The following ZNF385D variants were observed in gnomAD, a reference collection of about 807,000 sequenced individuals.
ZNF385D encodes zinc finger protein 659.
ZNF385D carries 15 observed loss-of-function variants against 35.8 expected under a neutral mutation model. That is an observed-to-expected ratio of 0.42 (90% CI 0.28 to 0.64). The LOEUF (loss-of-function observed/expected upper bound fraction) is 0.64, where lower values mean the gene tolerates loss of function less well. Among genes scored for constraint, ZNF385D ranks in the 30% least tolerant of loss-of-function variants. The pLI is 0.23. For synonymous variants in ZNF385D, 212 were observed against 186.8 expected, an observed-to-expected ratio of 1.13 and a Z score of -1.10; for missense variants, 474 against 494.6, an observed-to-expected ratio of 0.96 and a Z score of 0.39.
At chr3:21,494,345 T>C (rs1705659428) in intron 4 of ZNF385D, among the ~76,000 whole-genome samples, 1 of 152,162 alleles carries the variant, frequency 6.6e-6, no homozygotes, top group Admixed American at 6.6e-5. Flanking sequence ...TACAGGGTCT[T>C]ATGTGTAAAG....
chr3:21,984,953 T>G (rs1694723170), intron 3 of ZNF385D, among the ~76,000 whole-genome samples: 1 of 151,260 alleles, frequency 6.6e-6, no homozygotes, highest in Non-Finnish European at 1.5e-5. Context: ...TCACTCATGA[T>G]TTGGCTCTCT....
At chr3:21,904,302 C>CAAAAAAAA (rs548922115) in intron 3 of ZNF385D, among the ~76,000 whole-genome samples, 2 of 79,280 alleles carry the variant, frequency 2.5e-5, no homozygotes, top group Non-Finnish European at 5.1e-5. Context: ...GACTCCATCT[C>CAAAAAAAA]AAAAAAAAAA....
At chr3:21,546,488 G>A (rs113107442) in intron 3 of ZNF385D, among the ~76,000 whole-genome samples, 1 of 151,950 alleles carries the variant, frequency 6.6e-6, no homozygotes, top group Non-Finnish European at 1.5e-5. Flanking sequence ...CCTCTCCCTT[G>A]TTGGAGGAGG....
At chr3:21,444,080 C>CT (rs11390309) in intron 4 of ZNF385D, among the ~76,000 whole-genome samples, 8,683 of 132,584 alleles carry the variant, frequency 0.065, 398 homozygotes, top group Middle Eastern at 0.092. Context: ...GGATTTCCCT[C>CT]TTTTTTTTTT....
intron 3 of ZNF385D, among the ~76,000 whole-genome samples, chr3:22,154,201 T>C (rs537777710): frequency 1.6e-4 from 24 of 152,290 alleles, no homozygotes; most frequent in East Asian, 5.8e-4. Context: ...CTGTTTATTG[T>C]TGAAGGCCTG....
At chr3:21,490,430 A>G (rs1705344930) in intron 4 of ZNF385D, among the ~76,000 whole-genome samples, 1 of 152,162 alleles carries the variant, frequency 6.6e-6, no homozygotes, top group Non-Finnish European at 1.5e-5. Context: ...CTCTTCTTAC[A>G]ATACAATGTG....
intron 3 of ZNF385D, among the ~76,000 whole-genome samples, chr3:21,974,541 G>T (rs2125350010): frequency 6.6e-6 from 1 of 152,126 alleles, no homozygotes; most frequent in East Asian, 1.9e-4. Context: ...TACTCTACAA[G>T]CACAAGCAAC....
chr3:22,345,132 TATA>T (rs1420730098), intron 2 of ZNF385D, among the ~76,000 whole-genome samples: 1 of 152,184 alleles, frequency 6.6e-6, no homozygotes, highest in Non-Finnish European at 1.5e-5. Flanking sequence ...CAGTATTAAC[TATA>T]ATAACAATAA....
At chr3:22,043,377 C>A (rs1443173600) in intron 3 of ZNF385D, among the ~76,000 whole-genome samples, 1 of 152,108 alleles carries the variant, frequency 6.6e-6, no homozygotes, top group African/African-American at 2.4e-5. Flanking sequence ...TTTTAACGTA[C>A]TGAAACCATG....
rs1325540935 is a variant in ZNF385D, at chr3:21,437,098, G to A, written c.545C>T (p.Thr182Met). The A allele has an allele frequency of 1.7e-5, 27 of 1,613,788 alleles. No individual in the cohort carries two copies. Among genetic ancestry groups the A allele is most frequent in the East Asian group, 2.2e-5 (1 of 44,884 alleles). ...ACATGAGCTATTGCCAGTGGCTGTCGTTGGGCTTTTTTCCACTTTAGAGGT... is the reference window on the plus strand; with the variant it reads ...ACATGAGCTATTGCCAGTGGCTGTCATTGGGCTTTTTTCCACTTTAGAGGT... ...EITSKVEKSP[T>M]TATGNSSCPS... The change falls in exon 5 of 8, where the codon ACG becomes ATG. Residue 182 changes from threonine (T) to methionine (M), a missense_variant. Thr to Met is a moderately conservative substitution (Grantham distance 81, BLOSUM62 -1). Coordinates refer to ENST00000281523, the MANE Select transcript of ZNF385D (RefSeq NM_024697.3).
Position 21,695,178 on chromosome 3 carries a change from G to A in ZNF385D, c.23-30150C>T, listed in dbSNP as rs1016247890. ...TTATCACCTCCCGGAATACAAAAGC[G>A]CGATGTGAAAAGCAGAGTCAGACAT... On this transcript the variant is annotated intron_variant, in intron 1 of 7. Coordinates refer to ENST00000281523, the MANE Select transcript of ZNF385D (RefSeq NM_024697.3). Among the ~76,000 whole-genome samples the A allele has an allele frequency of 4.6e-5, 7 of 152,308 alleles. No individual in the cohort carries two copies. The South Asian group carries it at 6.2e-4, about 14-fold the overall frequency.
intron 1 of ZNF385D, among the ~76,000 whole-genome samples, chr3:21,712,408 GTCTCT>G (rs1267537999): frequency 6.6e-6 from 1 of 152,028 alleles, no homozygotes; most frequent in Non-Finnish European, 1.5e-5. Context: ...TGAACTCACG[GTCTCT>G]TCTCTTACTT....
intron 2 of ZNF385D, among the ~76,000 whole-genome samples, chr3:21,608,012 C>CTTTTTTTTTTTTTTTTTTTTTTT (rs368555930): frequency 1.5e-4 from 18 of 123,942 alleles, no homozygotes; most frequent in African/African-American, 5.3e-4. Context: ...TCTTTTTCTT[C>CTTTTTTTTTTTTTTTTTTTTTTT]TTTTTTTTTT....
At chr3:22,135,194 C>A (rs1001129377) in intron 3 of ZNF385D, among the ~76,000 whole-genome samples, 7 of 151,982 alleles carry the variant, frequency 4.6e-5, no homozygotes, top group Non-Finnish European at 1.0e-4. Context: ...ACAAAATCAT[C>A]CTTATTTATA....
intron 3 of ZNF385D, among the ~76,000 whole-genome samples, chr3:22,121,542 G>A (rs187364063): frequency 1.3e-5 from 2 of 152,300 alleles, no homozygotes; most frequent in Admixed American, 1.3e-4. Context: ...AGCCTGTACA[G>A]AAGGATGACT....
chr3:22,033,402 AAATAATAATAATAATAAT>A (rs59555475), intron 3 of ZNF385D, among the ~76,000 whole-genome samples: 1 of 139,396 alleles, frequency 7.2e-6, no homozygotes, highest in Non-Finnish European at 1.5e-5. Flanking sequence ...GCTGGCTCCA[AAATAATAATAATAATAAT>A]AATAATAATA....
chr3:22,093,563 T>C lies in ZNF385D; in HGVS notation c.325+75254A>G, dbSNP rs187778891. Among the ~76,000 whole-genome samples, 9 of 152,218 alleles carry C rather than the reference T, an allele frequency of 5.9e-5. No individual in the cohort carries two copies. The East Asian group carries it at 1.7e-3, about 29-fold the overall frequency. ...AACTACTAGAGGTTCGAGGATTATG[T>C]GGTTTAAATTACACATTTTATCCTC... On this transcript the variant is annotated intron_variant, in intron 3 of 5. Coordinates refer to the ZNF385D transcript ENST00000494108.
intron 3 of ZNF385D, among the ~76,000 whole-genome samples, chr3:21,969,878 T>C (rs1320376724): frequency 6.6e-6 from 1 of 152,172 alleles, no homozygotes; most frequent in Non-Finnish European, 1.5e-5. Context: ...TCCATTTGTT[T>C]GGGTGATAGT....
intron 3 of ZNF385D, among the ~76,000 whole-genome samples, chr3:22,007,542 T>C (rs1326230426): frequency 6.6e-6 from 1 of 152,188 alleles, no homozygotes; most frequent in Non-Finnish European, 1.5e-5. Context: ...GGGAAATGGT[T>C]ATGTAATTTT....
Sources: gnomAD v4.1 joint callset for allele counts (sites outside exome capture counted in the v4.1 genomes callset) on GRCh38, gnomAD v4.1.1 for gene constraint, MANE v1.5 for transcripts, NCBI Gene and HGNC (gene_info 2026-07-23, HGNC 2026-07-21) for gene names.